The following UTY variants were observed in gnomAD, a reference collection of about 807,000 sequenced individuals.
UTY encodes histone demethylase UTY.
UTY carries 12 observed loss-of-function variants against 32.5 expected under a neutral mutation model. The observed-to-expected ratio is 0.37, with a 90% CI of 0.24 to 0.60. UTY has a LOEUF of 0.60. Ranked by LOEUF, UTY falls within the 20% of genes least tolerant of loss-of-function variation. The pLI is 0.69. For synonymous variants in UTY, 131 were observed against 103.4 expected (o/e 1.27, Z -1.62); for missense variants, 303 against 299.2 (o/e 1.01, Z -0.09).
intron 4 of UTY, among the ~76,000 whole-genome samples, chrY:13,424,722 T>TA (rs2073075769): frequency 3.1e-5 from 1 of 32,203 alleles, no homozygotes; most frequent in East Asian, 8.1e-4. Context: ...GTCTCCAAAA[T>TA]AAAAAAACAG....
chrY:13,360,662 T>C (rs755477743), intron 10 of UTY, 134 bp from the exon 11 acceptor site: 2 of 139,252 alleles, frequency 1.4e-5, no homozygotes, highest in East Asian at 1.3e-4. Context: ...ATGTACTTTA[T>C]GATTTTACAT....
chrY:13,464,546 C>T (rs2077711610), intron 3 of UTY, among the ~76,000 whole-genome samples: 1 of 30,685 alleles, frequency 3.3e-5, no homozygotes, highest in Non-Finnish European at 7.8e-5. Flanking sequence ...CCAAAGCAGG[C>T]GTATCACTTG....
At chrY:13,328,839 C>T (rs1016017553) in intron 18 of UTY, among the ~76,000 whole-genome samples, 2 of 33,190 alleles carry the variant, frequency 6.0e-5, no homozygotes, top group Admixed American at 2.8e-4. Flanking sequence ...CCAAAAATAA[C>T]TCTTTAAGAA....
chrY:13,387,296 G>A (rs2066969355), intron 8 of UTY, among the ~76,000 whole-genome samples: 1 of 33,024 alleles, frequency 3.0e-5, no homozygotes, highest in South Asian at 6.5e-4. Flanking sequence ...AAAGAGTTTT[G>A]TACAATACTC....
intron 4 of UTY, among the ~76,000 whole-genome samples, chrY:13,418,773 G>A: frequency 5.9e-5 from 2 of 33,693 alleles, no homozygotes; most frequent in East Asian, 7.7e-4. Context: ...GTTTTTAGAC[G>A]TCACTAATTC....
At chrY:13,362,857 A>G in intron 10 of UTY, among the ~76,000 whole-genome samples, 1 of 33,442 alleles carries the variant, frequency 3.0e-5, no homozygotes, top group Non-Finnish European at 7.4e-5. Context: ...CTTTGTCAAT[A>G]CTACTTTCCT....
chrY:13,415,002 C>CT (rs1179756424), intron 4 of UTY, among the ~76,000 whole-genome samples: 4 of 26,739 alleles, frequency 1.5e-4, no homozygotes, highest in African/African-American at 2.9e-4. Context: ...AGGTAGTTAC[C>CT]TTTTTTTTTT....
intron 25 of UTY, among the ~76,000 whole-genome samples, chrY:13,300,930 T>C (rs2058347390): frequency 3.2e-5 from 1 of 31,717 alleles, no homozygotes; most frequent in Non-Finnish European, 7.7e-5. Context: ...GTCTTGCCCT[T>C]TTGTTCAGGC....
At chrY:13,282,906 CG>C (rs2057116652) in intron 27 of UTY, among the ~76,000 whole-genome samples, 1 of 34,403 alleles carries the variant, frequency 2.9e-5, no homozygotes. Context: ...AGAGCGCTCC[CG>C]GGAAAGAAAT....
chrY:13,398,373 T>C, intron 6 of UTY, among the ~76,000 whole-genome samples: 1 of 33,424 alleles, frequency 3.0e-5, no homozygotes, highest in Admixed American at 2.8e-4. Flanking sequence ...ACTAAGTATC[T>C]GTATGAAAGT....
intron 21 of UTY, among the ~76,000 whole-genome samples, chrY:13,314,125 C>T (rs796827870): frequency 6.4e-3 from 216 of 33,533 alleles, no homozygotes; most frequent in Non-Finnish European, 0.013. Flanking sequence ...CAAATCTGCA[C>T]ATAAACCCTC....
intron 28 of UTY, among the ~76,000 whole-genome samples, chrY:13,240,786 C>CAAGGCA (rs1472730555): frequency 3.1e-5 from 1 of 32,715 alleles, no homozygotes; most frequent in African/African-American, 1.2e-4. Context: ...GTGTAAGCTC[C>CAAGGCA]GGAGTTCGAG....
At chrY:13,470,346 C>A in intron 2 of UTY, 117 bp from the exon 3 acceptor site, 1 of 139,718 alleles carries the variant, frequency 7.2e-6, no homozygotes, top group African/African-American at 9.3e-5. Context: ...TCATTTCTTC[C>A]ATAGGCATAG....
chrY:13,251,423 A>C (rs2054154551), intron 28 of UTY, among the ~76,000 whole-genome samples: 1 of 34,064 alleles, frequency 2.9e-5, no homozygotes. Context: ...GTCTTTAAAG[A>C]AATTAAATAG....
intron 5 of UTY, among the ~76,000 whole-genome samples, chrY:13,414,178 T>G (rs936070316): frequency 8.8e-5 from 3 of 34,259 alleles, no homozygotes; most frequent in Non-Finnish European, 1.5e-4. Context: ...ACTAAATAAA[T>G]GGTTAAATAA....
At chrY:13,472,333 C>T (rs2078580807) in intron 2 of UTY, among the ~76,000 whole-genome samples, 1 of 31,515 alleles carries the variant, frequency 3.2e-5, no homozygotes. Context: ...CACTAATCAC[C>T]AGAGAACTGC....
chrY:13,465,112 A>C (rs779777432), intron 3 of UTY, among the ~76,000 whole-genome samples: 1 of 33,190 alleles, frequency 3.0e-5, no homozygotes, highest in East Asian at 7.8e-4. Flanking sequence ...ACATAAAATA[A>C]ATACATAAAA....
intron 27 of UTY, among the ~76,000 whole-genome samples, chrY:13,282,009 G>C: frequency 6.1e-5 from 2 of 32,951 alleles, no homozygotes; most frequent in East Asian, 7.7e-4. Flanking sequence ...CAGACCACAT[G>C]ATAGGCCAAA....
intron 4 of UTY, among the ~76,000 whole-genome samples, chrY:13,421,323 T>C (rs750448058): frequency 3.0e-5 from 1 of 33,645 alleles, no homozygotes; most frequent in East Asian, 7.9e-4. Context: ...AGTATAACAA[T>C]TCCTCAAAGA....
Sources: allele counts gnomAD v4.1 joint callset (sites outside exome capture counted in the v4.1 genomes callset), GRCh38; gene constraint gnomAD v4.1.1; transcripts MANE v1.5; gene names NCBI Gene and HGNC (gene_info 2026-07-23, HGNC 2026-07-21).